Variants in MAP3K15 observed in about 807,000 individuals in gnomAD.
MAP3K15 encodes mitogen-activated protein kinase kinase kinase 15, also known as MAPK/ERK kinase kinase 15.
MAP3K15 carries 124 observed loss-of-function variants against 99.5 expected under a neutral mutation model. That is an observed-to-expected ratio of 1.25 (90% CI 1.08 to 1.45). The LOEUF (loss-of-function observed/expected upper bound fraction) is 1.45, where lower values mean the gene tolerates loss of function less well. Among genes scored for constraint, MAP3K15 ranks in the 40% most tolerant of loss-of-function variants. The pLI is 0.00. For missense variants in MAP3K15, 1,242 were observed against 1,079.7 expected (o/e 1.15, Z -2.11); for synonymous variants, 494 against 439.6 (o/e 1.12, Z -1.55).
chrX:19,463,338 G>A (rs756013522), intron 4 of MAP3K15, among the ~76,000 whole-genome samples: 4 of 111,667 alleles, frequency 3.6e-5, no homozygotes, highest in South Asian at 3.8e-4. Context: ...AGAACACTCC[G>A]CAGTTCAGGG....
chrX:19,398,229 C>T lies in MAP3K15; in HGVS notation c.2063G>A (p.Ser688Asn). The change falls in exon 15 of 29, where the codon AGC (serine) becomes AAC (asparagine). Residue 688 changes from serine (S) to asparagine (N), a missense_variant. Physicochemically the swap from Ser to Asn is conservative, Grantham distance 46. Coordinates refer to ENST00000338883, the MANE Select transcript of MAP3K15 (RefSeq NM_001001671.4). ...IAIKEIPERDSRYSQPLHEEI... is the reference protein window; with the variant it reads ...IAIKEIPERDNRYSQPLHEEI... ...CGGAAGGCCCGCCTGGACTTGCCTG[C>T]TATCTCTCTCCGGGATTTCTTTGAT... The T allele has an allele frequency of 8.3e-7, 1 of 1,211,286 alleles. No individual in the cohort carries two copies. The highest frequency in any genetic ancestry group is 1.8e-5 in the South Asian group (1 of 56,935).
chrX:19,377,316 C>T (rs764751412), intron 19 of MAP3K15, among the ~76,000 whole-genome samples: 2 of 112,176 alleles, frequency 1.8e-5, no homozygotes, highest in African/African-American at 6.5e-5. Flanking sequence ...CACTTTGGGA[C>T]GCGGAGGCAG....
At chrX:19,383,711 A>G (rs983859867) in intron 18 of MAP3K15, among the ~76,000 whole-genome samples, 1 of 112,463 alleles carries the variant, frequency 8.9e-6, no homozygotes, top group African/African-American at 3.2e-5. Context: ...ACATTTGTAA[A>G]TGGCCAACAG....
At chrX:19,397,374 T>C (rs2063574516) in intron 15 of MAP3K15, among the ~76,000 whole-genome samples, 1 of 112,099 alleles carries the variant, frequency 8.9e-6, no homozygotes, top group Non-Finnish European at 1.9e-5. Context: ...TCCACAATGA[T>C]GCATCTGAAC....
At chrX:19,386,763 A>G (rs761821877) in intron 18 of MAP3K15, among the ~76,000 whole-genome samples, 43 of 111,658 alleles carry the variant, frequency 3.9e-4, no homozygotes, top group Non-Finnish European at 2.4e-4. Context: ...ACCGAGGCCC[A>G]GGGACCTTCT....
intron 6 of MAP3K15, among the ~76,000 whole-genome samples, chrX:19,435,230 T>C (rs5955557): frequency 0.043 from 4,655 of 107,625 alleles, 133 homozygotes; most frequent in South Asian, 0.14. Context: ...CTCACTTGAA[T>C]GCTTTTTTTT....
chrX:19,410,420 A>C (rs922797221), intron 11 of MAP3K15, among the ~76,000 whole-genome samples: 2 of 111,989 alleles, frequency 1.8e-5, no homozygotes, highest in African/African-American at 6.5e-5. Context: ...CTGAACTACA[A>C]TTCCCAGCCT....
chrX:19,403,818 T>C (rs2058538001), intron 13 of MAP3K15, among the ~76,000 whole-genome samples: 1 of 110,904 alleles, frequency 9.0e-6, no homozygotes, highest in Non-Finnish European at 1.9e-5. Flanking sequence ...ACACAATGAA[T>C]TAAGACTTTC....
chrX:19,467,986 C>T (rs942778759), intron 3 of MAP3K15, among the ~76,000 whole-genome samples: 11 of 111,849 alleles, frequency 9.8e-5, no homozygotes, highest in African/African-American at 3.6e-4. Context: ...ACCCCACTCA[C>T]AGAGCAGAGT....
chrX:19,361,190 G>GT, intron 28 of MAP3K15, 149 bp downstream of exon 28: 4 of 470,613 alleles, frequency 8.5e-6, no homozygotes, highest in Non-Finnish European at 1.4e-5. Flanking sequence ...CTGGCTTTCA[G>GT]TTTCTGCCCC....
At chrX:19,491,747 G>C (rs184407901) in intron 1 of MAP3K15, among the ~76,000 whole-genome samples, 1 of 109,380 alleles carries the variant, frequency 9.1e-6, no homozygotes, top group African/African-American at 3.3e-5. Context: ...GCATGGGTAC[G>C]ATCTCGGCTC....
chrX:19,395,135 C>A lies in MAP3K15; in HGVS notation c.2140G>T (p.Gly714Cys). Residue 714 changes from glycine (G) to cysteine (C), a missense_variant, in exon 16 of 29, where the codon GGC (glycine) becomes TGC (cysteine). Coordinates refer to ENST00000338883, the MANE Select transcript of MAP3K15 (RefSeq NM_001001671.4). ...LKHRNIVQYL[G>C]SVSENGYIKI... ...ATGTAGCCGTTCTCTGAAACAGAGCCCAGGTACTGAACGATATTGCGGTGC... is the reference window on the plus strand; with the variant it reads ...ATGTAGCCGTTCTCTGAAACAGAGCACAGGTACTGAACGATATTGCGGTGC... The A allele has an allele frequency of 8.3e-7, 1 of 1,209,068 alleles. No individual in the cohort carries two copies. The highest frequency in any genetic ancestry group is 1.1e-6 in the Non-Finnish European group (1 of 893,944).
intron 19 of MAP3K15, among the ~76,000 whole-genome samples, chrX:19,378,502 C>T (rs1348590121): frequency 3.6e-5 from 4 of 111,856 alleles, no homozygotes; most frequent in South Asian, 3.7e-4. Flanking sequence ...CCAGCAAAGG[C>T]GGAAGCCCCT....
At chrX:19,491,063 G>A (rs1478649686) in intron 1 of MAP3K15, among the ~76,000 whole-genome samples, 1 of 111,416 alleles carries the variant, frequency 9.0e-6, no homozygotes, top group Non-Finnish European at 1.9e-5. Context: ...GAACAAGGGC[G>A]TGAAGAAACA....
intron 1 of MAP3K15, among the ~76,000 whole-genome samples, chrX:19,509,243 A>C (rs989197868): frequency 1.8e-5 from 2 of 112,036 alleles, no homozygotes; most frequent in East Asian, 5.6e-4. Flanking sequence ...GGGCCGAAGC[A>C]GACCTGATAG....
chrX:19,406,726 A>G (rs926758626), intron 13 of MAP3K15, among the ~76,000 whole-genome samples: 3 of 112,698 alleles, frequency 2.7e-5, no homozygotes, highest in Admixed American at 9.4e-5. Context: ...TTTGAAGTGG[A>G]GTTTCGCTCT....
At chrX:19,493,603 C>T (rs182013243) in intron 1 of MAP3K15, among the ~76,000 whole-genome samples, 1 of 111,524 alleles carries the variant, frequency 9.0e-6, no homozygotes, top group Non-Finnish European at 1.9e-5. Flanking sequence ...GAAAAAAGGG[C>T]TTTATCCCTA....
intron 1 of MAP3K15, among the ~76,000 whole-genome samples, chrX:19,511,215 C>A (rs1011613429): frequency 1.2e-3 from 131 of 112,060 alleles, no homozygotes; most frequent in African/African-American, 4.1e-3. Context: ...ACCATAAAAA[C>A]CCTAGAAGAA....
intron 15 of MAP3K15, 128 bp downstream of exon 15, chrX:19,398,098 C>G: frequency 1.8e-6 from 1 of 542,228 alleles, no homozygotes; most frequent in Admixed American, 3.5e-5. Context: ...ACCCCTATTA[C>G]AAGAGAATGA....
Sources: gnomAD v4.1 joint callset for allele counts (sites outside exome capture counted in the v4.1 genomes callset) on GRCh38, gnomAD v4.1.1 for gene constraint, MANE v1.5 for transcripts, NCBI Gene and HGNC (gene_info 2026-07-23, HGNC 2026-07-21) for gene names.